Variants in PTPRT observed in about 807,000 individuals in gnomAD.
The protein encoded by PTPRT is protein tyrosine phosphatase receptor type T.
In PTPRT, 56 loss-of-function variants were observed where a neutral mutation model predicts 176.8. The observed-to-expected ratio is 0.32, with a 90% confidence interval of 0.26 to 0.40. PTPRT has a LOEUF of 0.40. PTPRT is among the 10% of genes least tolerant of loss of function. PTPRT has a pLI of 1.00. For synonymous variants in PTPRT, 783 were observed against 739.0 expected (o/e 1.06, Z -0.96); for missense variants, 1,540 against 1,908.2 (o/e 0.81, Z 3.60).
chr20:42,780,820 G>C (rs2145500065), intron 3 of PTPRT, among the ~76,000 whole-genome samples: 1 of 152,268 alleles, frequency 6.6e-6, no homozygotes, highest in Non-Finnish European at 1.5e-5. Flanking sequence ...CTACCTGTTG[G>C]TATCCAGGAG....
intron 12 of PTPRT, among the ~76,000 whole-genome samples, chr20:42,313,480 A>G (rs1434115503): frequency 6.6e-6 from 1 of 152,060 alleles, no homozygotes; most frequent in Non-Finnish European, 1.5e-5. Flanking sequence ...TCTTATGGTG[A>G]GGACATTCCT....
chr20:42,607,763 C>CG (rs2073904290), intron 7 of PTPRT, among the ~76,000 whole-genome samples: 2 of 152,186 alleles, frequency 1.3e-5, no homozygotes, highest in African/African-American at 4.8e-5. Flanking sequence ...GAGTGCACAG[C>CG]GGGGGAGCCT....
intron 7 of PTPRT, among the ~76,000 whole-genome samples, chr20:42,674,665 T>G (rs948389457): frequency 6.6e-6 from 1 of 152,204 alleles, no homozygotes; most frequent in African/African-American, 2.4e-5. Context: ...TATCATTATG[T>G]CCTTTTAAAG....
rs556334088 is a variant in PTPRT at position 42,884,938 on chromosome 20, C to A, written c.214+869G>T. Among the ~76,000 whole-genome samples, 14 of 152,040 alleles carry A rather than the reference C, an allele frequency of 9.2e-5. No individual in the cohort carries two copies. In the East Asian group the frequency reaches 2.7e-3, roughly 29 times the overall value. On this transcript the variant is annotated intron_variant, in intron 2 of 30. Coordinates refer to ENST00000373187, the MANE Select transcript of PTPRT (RefSeq NM_007050.6). ...CAAGATGCACCTTACGCAGGTATAC[C>A]CCACATTTAGAGTCTAAGTGTTCTC...
At chr20:42,624,936 C>G (rs2074263891) in intron 7 of PTPRT, among the ~76,000 whole-genome samples, 1 of 152,086 alleles carries the variant, frequency 6.6e-6, no homozygotes, top group South Asian at 2.1e-4. Flanking sequence ...CTAAGGGACT[C>G]CAGAGGTACC....
chr20:42,174,225 T>C (rs886190199), intron 16 of PTPRT, among the ~76,000 whole-genome samples: 2 of 152,182 alleles, frequency 1.3e-5, no homozygotes, highest in East Asian at 3.9e-4. Context: ...CATGTCTTGG[T>C]CAGTAAGTTA....
At chr20:42,445,858 C>T (rs1354182506) in intron 9 of PTPRT, among the ~76,000 whole-genome samples, 3 of 152,168 alleles carry the variant, frequency 2.0e-5, no homozygotes, top group Non-Finnish European at 4.4e-5. Context: ...TCTGTACCCA[C>T]CTTTGTGCAT....
chr20:42,749,543 C>T, intron 6 of PTPRT, among the ~76,000 whole-genome samples: 1 of 152,196 alleles, frequency 6.6e-6, no homozygotes, highest in East Asian at 1.9e-4. Context: ...CACTTATGAG[C>T]AGTATGATCT....
chr20:42,082,296 G>C (rs1246039433), intron 29 of PTPRT, among the ~76,000 whole-genome samples: 1 of 152,170 alleles, frequency 6.6e-6, no homozygotes. Flanking sequence ...AGTTCAATTA[G>C]CTTGATGTTT....
chr20:42,684,751 C>A lies in PTPRT; in HGVS notation c.860-6592G>T, dbSNP rs2075662685. Among the ~76,000 whole-genome samples, 4 of 152,068 alleles carry A rather than the reference C, an allele frequency of 2.6e-5. No individual in the cohort carries two copies. In the South Asian group the frequency reaches 8.3e-4, roughly 32 times the overall value. ...TGAAATATAAAACTAAAGAAAAATT[C>A]CCATAAGCCTTCAGAAAAAATAACA... On this transcript the variant is annotated intron_variant, in intron 6 of 30. Transcript: ENST00000373187.
chr20:42,734,058 T>G (rs2076501957), intron 6 of PTPRT, among the ~76,000 whole-genome samples: 1 of 152,336 alleles, frequency 6.6e-6, no homozygotes, highest in East Asian at 1.9e-4. Context: ...TCTGAGATGC[T>G]TTTCCCTTAC....
rs141041973 is a variant in PTPRT at position 43,118,601 on chromosome 20, G to A, written c.88+71045C>T. Among the ~76,000 whole-genome samples, 576 of 152,118 alleles carry A rather than the reference G, an allele frequency of 3.8e-3. 4 individuals are homozygous for A. The highest frequency in any genetic ancestry group is 0.034 in the East Asian group (175 of 5,170). Reference sequence around the variant, plus strand: ...ACTACAGGCACACGCCACCATGCCCGGCTAATTTTTGTATTTTTAGTAGAG... The same window carrying A: ...ACTACAGGCACACGCCACCATGCCCAGCTAATTTTTGTATTTTTAGTAGAG... On this transcript the variant is annotated intron_variant, in intron 1 of 30. Coordinates refer to ENST00000373187, the MANE Select transcript of PTPRT (RefSeq NM_007050.6).
chr20:42,198,651 C>A (rs1024653047), intron 16 of PTPRT, among the ~76,000 whole-genome samples: 1 of 152,228 alleles, frequency 6.6e-6, no homozygotes, highest in Non-Finnish European at 1.5e-5. Flanking sequence ...TTTATTAACA[C>A]TGCACAAGGA....
intron 1 of PTPRT, among the ~76,000 whole-genome samples, chr20:43,033,502 G>A (rs1258888157): frequency 6.6e-6 from 1 of 152,036 alleles, no homozygotes; most frequent in Non-Finnish European, 1.5e-5. Flanking sequence ...ATCCGCACAG[G>A]GACTCCCACC....
At chr20:42,864,875 G>A (rs6030530) in intron 2 of PTPRT, among the ~76,000 whole-genome samples, 1,862 of 152,310 alleles carry the variant, frequency 0.012, 37 homozygotes, top group African/African-American at 0.042. Flanking sequence ...TTGTAAAGGT[G>A]ACATTTTGTT....
At chr20:42,821,755 T>C (rs2077898432) in intron 2 of PTPRT, among the ~76,000 whole-genome samples, 1 of 152,098 alleles carries the variant, frequency 6.6e-6, no homozygotes, top group South Asian at 2.1e-4. Flanking sequence ...CAAGCATTCC[T>C]TTACACTGAC....
rs553948876 is a variant in PTPRT at position 42,658,944 on chromosome 20, A to G, written c.1153+18922T>C. On this transcript the variant is annotated intron_variant, in intron 7 of 30. Transcript: ENST00000373187. ...TTAGCTCAGTTTTGTCCAGGGAGAT[A>G]TATCTGTCTGTATTAAGAAAAGTAA... Among the ~76,000 whole-genome samples, 255 of 152,310 alleles carry G rather than the reference A, an allele frequency of 1.7e-3. 1 individual carries two copies. The highest frequency in any genetic ancestry group is 5.9e-3 in the African/African-American group (245 of 41,578).
chr20:42,047,305 T>A, the PTPRT span, among the ~76,000 whole-genome samples: 4 of 152,214 alleles, frequency 2.6e-5, no homozygotes, highest in African/African-American at 7.2e-5. Flanking sequence ...AAACCTTGTT[T>A]AGCAAATAGG....
chr20:42,316,569 A>G (rs907723300), intron 11 of PTPRT, among the ~76,000 whole-genome samples: 1 of 152,128 alleles, frequency 6.6e-6, no homozygotes, highest in Non-Finnish European at 1.5e-5. Context: ...AGCTCTTCAA[A>G]CACTTTCATA....
Sources: allele counts gnomAD v4.1 joint callset (sites outside exome capture counted in the v4.1 genomes callset), GRCh38; gene constraint gnomAD v4.1.1; transcripts MANE v1.5; gene names NCBI Gene and HGNC (gene_info 2026-07-23, HGNC 2026-07-21).